Variants in LINGO2 observed in about 807,000 individuals in gnomAD.
LINGO2 encodes the protein leucine-rich repeat and immunoglobulin-like domain-containing nogo receptor-interacting protein 2.
Under a neutral mutation model 30.6 loss-of-function variants are expected in LINGO2, and 14 were observed. The observed-to-expected ratio is 0.46, with a 90% confidence interval of 0.30 to 0.72. The LOEUF (loss-of-function observed/expected upper bound fraction) is 0.72. LINGO2 is among the 30% of genes least tolerant of loss of function. The pLI, the probability that LINGO2 is intolerant of heterozygous loss-of-function variation, is 0.07. For missense variants in LINGO2, 729 were observed against 751.7 expected (o/e 0.97, Z 0.35); for synonymous variants, 317 against 288.5 (o/e 1.10, Z -1.00).
chr9:29,095,999 T>A, the LINGO2 span, among the ~76,000 whole-genome samples: 29 of 137,800 alleles, frequency 2.1e-4, 3 homozygotes, highest in African/African-American at 7.9e-4. Flanking sequence ...AAAAAAAAAA[T>A]AAATAGGATC....
intron 4 of LINGO2, among the ~76,000 whole-genome samples, chr9:28,277,932 T>C (rs774511938): frequency 2.3e-4 from 35 of 151,910 alleles, no homozygotes; most frequent in Admixed American, 6.6e-4. Context: ...CTGGGCCTCT[T>C]AACCAAACAG....
chr9:28,266,910 T>G (rs986961850), intron 4 of LINGO2, among the ~76,000 whole-genome samples: 5 of 152,018 alleles, frequency 3.3e-5, no homozygotes, highest in Non-Finnish European at 7.4e-5. Flanking sequence ...CGTGGACATC[T>G]GAACATAATA....
intron 1 of LINGO2, among the ~76,000 whole-genome samples, chr9:28,581,238 T>C (rs756153454): frequency 1.3e-5 from 2 of 151,826 alleles, no homozygotes; most frequent in Non-Finnish European, 2.9e-5. Context: ...TGCATTTGTG[T>C]GCCTCTGTGT....
the LINGO2 span, among the ~76,000 whole-genome samples, chr9:29,026,540 A>C: frequency 6.6e-6 from 1 of 152,148 alleles, no homozygotes; most frequent in Non-Finnish European, 1.5e-5. Context: ...TTTATGCTAT[A>C]TTATATGTAG....
chr9:28,725,614 A>C, the LINGO2 span, among the ~76,000 whole-genome samples: 1 of 151,766 alleles, frequency 6.6e-6, no homozygotes. Context: ...TCAAGACATG[A>C]AAATAATAAC....
At chr9:28,311,188 C>T (rs1394789678) in intron 3 of LINGO2, among the ~76,000 whole-genome samples, 1 of 151,948 alleles carries the variant, frequency 6.6e-6, no homozygotes, top group African/African-American at 2.4e-5. Flanking sequence ...TAGTGATTTT[C>T]AAAAGGGGAG....
intron 3 of LINGO2, among the ~76,000 whole-genome samples, chr9:28,319,999 T>C (rs1824982093): frequency 6.6e-6 from 1 of 152,140 alleles, no homozygotes; most frequent in South Asian, 2.1e-4. Context: ...ATGTCCCTAA[T>C]TTTCTGAGAC....
chr9:28,894,637 T>G, the LINGO2 span, among the ~76,000 whole-genome samples: 1 of 151,866 alleles, frequency 6.6e-6, no homozygotes, highest in Non-Finnish European at 1.5e-5. Context: ...TGCCAATGAA[T>G]AGAAATGTGT....
intron 4 of LINGO2, among the ~76,000 whole-genome samples, chr9:28,128,689 G>A (rs1827303797): frequency 6.6e-6 from 1 of 152,134 alleles, no homozygotes; most frequent in Non-Finnish European, 1.5e-5. Flanking sequence ...TCTGACCTGG[G>A]GCTGAACCAG....
chr9:28,402,312 A>G (rs1822304788), intron 2 of LINGO2, among the ~76,000 whole-genome samples: 1 of 152,140 alleles, frequency 6.6e-6, no homozygotes, highest in Non-Finnish European at 1.5e-5. Context: ...ATTTGTTGAA[A>G]AAAGTGTTAG....
intron 1 of LINGO2, among the ~76,000 whole-genome samples, chr9:28,480,344 C>T (rs1307432209): frequency 6.6e-6 from 1 of 151,896 alleles, no homozygotes; most frequent in Non-Finnish European, 1.5e-5. Context: ...TAAGTGCCTT[C>T]ATAATATAAA....
intron 4 of LINGO2, among the ~76,000 whole-genome samples, chr9:28,031,496 A>C (rs1196926644): frequency 6.6e-6 from 1 of 152,212 alleles, no homozygotes; most frequent in East Asian, 1.9e-4. Context: ...ATTTCTAAAA[A>C]GCTGATGGAT....
At chr9:28,430,918 C>G (rs1388088080) in intron 2 of LINGO2, among the ~76,000 whole-genome samples, 3 of 151,966 alleles carry the variant, frequency 2.0e-5, no homozygotes, top group African/African-American at 7.3e-5. Flanking sequence ...TGCTGTCAAG[C>G]CTCAGTTCCT....
At chr9:28,754,361 G>C in the LINGO2 span, among the ~76,000 whole-genome samples, 1 of 152,028 alleles carries the variant, frequency 6.6e-6, no homozygotes, top group Non-Finnish European at 1.5e-5. Context: ...TAAAATTCTA[G>C]CTTTTCTGAG....
chr9:28,954,386 T>C, the LINGO2 span, among the ~76,000 whole-genome samples: 1 of 152,164 alleles, frequency 6.6e-6, no homozygotes, highest in Admixed American at 6.5e-5. Flanking sequence ...TCACAAAGGA[T>C]ATTAAGATGG....
chr9:28,095,456 G>A (rs1403837001), intron 4 of LINGO2, among the ~76,000 whole-genome samples: 4 of 152,030 alleles, frequency 2.6e-5, no homozygotes, highest in Admixed American at 6.6e-5. Context: ...ACAAGCAATG[G>A]GGAAAGGATT....
chr9:28,658,387 T>G (rs991214742), intron 1 of LINGO2, among the ~76,000 whole-genome samples: 4 of 152,080 alleles, frequency 2.6e-5, no homozygotes, highest in Non-Finnish European at 4.4e-5. Context: ...TTTTTAATTC[T>G]GTCAGTGTTT....
chr9:28,407,265 G>GAAA (rs5897296), intron 2 of LINGO2, among the ~76,000 whole-genome samples: 24 of 151,206 alleles, frequency 1.6e-4, no homozygotes, highest in Non-Finnish European at 2.5e-4. Flanking sequence ...GAGGCAAAGA[G>GAAA]AAAAAAAAGA....
At chr9:28,556,475 C>G (rs1822702188) in intron 1 of LINGO2, among the ~76,000 whole-genome samples, 1 of 152,034 alleles carries the variant, frequency 6.6e-6, no homozygotes, top group Admixed American at 6.6e-5. Flanking sequence ...AACGACAAAC[C>G]ACTGCTCAAC....
Sources: gnomAD v4.1 joint callset for allele counts (sites outside exome capture counted in the v4.1 genomes callset) on GRCh38, gnomAD v4.1.1 for gene constraint, MANE v1.5 for transcripts, NCBI Gene and HGNC (gene_info 2026-07-23, HGNC 2026-07-21) for gene names.